MRE11: variants seen among roughly 807,000 people sequenced by gnomAD.
MRE11 encodes MRE11 double strand break repair nuclease.
Under a neutral mutation model 91.7 loss-of-function variants are expected in MRE11, and 62 were observed. The observed-to-expected ratio is 0.68, with a 90% CI of 0.55 to 0.84. The LOEUF is 0.84. Ranked by LOEUF, MRE11 falls within the 40% of genes least tolerant of loss-of-function variation. The pLI is 0.00. For missense variants in MRE11, 796 were observed against 852.9 expected, an observed-to-expected ratio of 0.93 and a Z score of 0.83; for synonymous variants, 273 against 271.4, an observed-to-expected ratio of 1.01 and a Z score of -0.06.
In MRE11 at chr11:94,492,870, T is replaced by G; in HGVS notation, c.-69A>C. On this transcript the variant is annotated 5_prime_UTR_variant, in exon 2 of 20. Coordinates refer to ENST00000323929, the MANE Select transcript of MRE11 (RefSeq NM_005591.4). ...AGAACCCCTGGGTACTGTACTCAAA[T>G]GTCAGAAAATGCACTCGATTCCAAA... is the stretch of plus-strand genomic sequence containing the variant. 1 of 1,387,894 alleles carries G rather than the reference T, an allele frequency of 7.2e-7. No homozygotes were observed. Among genetic ancestry groups the G allele is most frequent in the Non-Finnish European group, 1.0e-6 (1 of 988,880 alleles). 86.0% of individuals were successfully genotyped at this position (1,387,894 alleles called of 1,614,324 possible).
At chr11:94,447,473 G>T in intron 14 of MRE11, 35 bp from the exon 15 acceptor site, 1 of 1,579,444 alleles carries the variant, frequency 6.3e-7, no homozygotes, top group South Asian at 1.1e-5. Flanking sequence ...TACACACAAT[G>T]AGATAACGTA....
rs1233323342 is a variant in MRE11 at position 94,418,369 on chromosome 11, C to G, written c.*1756G>C. ...GAATCGCATTTAGTACCTCTTTTCA[C>G]AGCCAAGAGCAATTTTTTTTTTTTT... On this transcript the variant is annotated 3_prime_UTR_variant, in exon 20 of 20. Transcript: ENST00000323929. 1 of 232,190 alleles carries G rather than the reference C, an allele frequency of 4.3e-6. No individual in the cohort carries two copies. Among genetic ancestry groups the G allele is most frequent in the Admixed American group, 5.7e-5 (1 of 17,694 alleles). The allele number at this position is 232,190 out of a possible 1,614,324, so 14.4% of individuals were successfully genotyped here.
intron 19 of MRE11, among the ~76,000 whole-genome samples, chr11:94,426,144 A>C (rs1472015218): frequency 1.3e-5 from 2 of 152,208 alleles, no homozygotes; most frequent in Non-Finnish European, 2.9e-5. Context: ...ACTACAGTGC[A>C]ATAAAAAGAG....
chr11:94,427,089 C>G (rs1030363641), intron 19 of MRE11, among the ~76,000 whole-genome samples: 1 of 152,228 alleles, frequency 6.6e-6, no homozygotes. Context: ...AGAGACACAA[C>G]AAAACAAAGA....
intron 2 of MRE11, 43 bp from the exon 3 acceptor site, chr11:94,491,008 A>T: frequency 9.0e-7 from 1 of 1,116,204 alleles, no homozygotes. Context: ...TTAATAATTC[A>T]TTAAAGGATA....
intron 7 of MRE11, chr11:94,475,482 C>T: frequency 2.4e-6 from 1 of 408,436 alleles, no homozygotes; most frequent in Admixed American, 2.9e-5. Flanking sequence ...TTGAGTTCTT[C>T]CCTGACAACT....
chr11:94,492,677 G>T, intron 2 of MRE11, 105 bp downstream of exon 2: 2 of 1,485,942 alleles, frequency 1.3e-6, no homozygotes, highest in Non-Finnish European at 1.9e-6. Context: ...TCATAAACAG[G>T]TTCCTTATTT....
the MRE11 span, among the ~76,000 whole-genome samples, chr11:94,508,027 T>C: frequency 1.3e-5 from 2 of 152,190 alleles, no homozygotes; most frequent in Non-Finnish European, 2.9e-5. Context: ...TGGAGTGCAC[T>C]GGTGTGATCG....
the MRE11 span, among the ~76,000 whole-genome samples, chr11:94,511,552 G>A: frequency 2.0e-5 from 3 of 152,196 alleles, no homozygotes; most frequent in African/African-American, 4.8e-5. Flanking sequence ...GAGTATGAAA[G>A]AGAGAGAAAT....
rs58831657 is a variant in MRE11 at position 94,420,860 on chromosome 11, G to A, written c.2071-679C>T. Among the ~76,000 whole-genome samples the A allele has an allele frequency of 5.6e-3, 855 of 152,184 alleles. 15 individuals carry two copies. The highest frequency in any genetic ancestry group is 0.052 in the South Asian group (251 of 4,822). ...ATCCTGGCTAGCACGGTGAAACCCC[G>A]TCTCTACTAGAAATACAAAAAATTG... On this transcript the variant is annotated intron_variant, in intron 19 of 19. Coordinates refer to ENST00000323929, the MANE Select transcript of MRE11 (RefSeq NM_005591.4).
Position 94,419,465 on chromosome 11 carries a change from GGAGAGAGAGAGA to G in MRE11, c.*648_*659del, listed in dbSNP as rs201800515. ...GAAGAGTGGGGAACGGGGGGGAGAG[GGAGAGAGAGAGA>G]GAGAGAGAGAGAGAGAGAACACCAT... On this transcript the variant is annotated 3_prime_UTR_variant, in exon 20 of 20. Coordinates refer to ENST00000323929, the MANE Select transcript of MRE11 (RefSeq NM_005591.4). The G allele has an allele frequency of 9.1e-4, 196 of 216,432 alleles. No individual in the cohort carries two copies. The East Asian group carries it at 0.01, about 11-fold the overall frequency. The allele number at this position is 216,432 out of a possible 1,614,324, so 13.4% of individuals were successfully genotyped here. A position where few individuals can be genotyped will look rare whatever the true frequency, so the allele number is the denominator to read the frequency against.
chr11:94,426,338 A>C (rs769166956), intron 19 of MRE11, among the ~76,000 whole-genome samples: 1 of 151,586 alleles, frequency 6.6e-6, no homozygotes, highest in Non-Finnish European at 1.5e-5. Flanking sequence ...AAATAGAATC[A>C]CAACTTACAA....
At chr11:94,432,693 C>T (rs1448035300) in intron 18 of MRE11, among the ~76,000 whole-genome samples, 1 of 152,186 alleles carries the variant, frequency 6.6e-6, no homozygotes, top group African/African-American at 2.4e-5. Context: ...GTAGTCCCAG[C>T]TATTCGGGAG....
intron 18 of MRE11, 57 bp from the exon 19 acceptor site, chr11:94,430,043 G>A: frequency 6.4e-7 from 1 of 1,558,958 alleles, no homozygotes; most frequent in East Asian, 2.2e-5. Context: ...CATCAAGTGT[G>A]CCTTTCTGGC....
intron 13 of MRE11, among the ~76,000 whole-genome samples, chr11:94,458,197 T>A (rs1220581057): frequency 2.0e-5 from 3 of 151,870 alleles, no homozygotes; most frequent in African/African-American, 7.3e-5. Flanking sequence ...TTTTTTTTTT[T>A]TAAATAACAT....
At chr11:94,466,646 CTCAGGAAGTCT>C in intron 10 of MRE11, 1 of 361,832 alleles carries the variant, frequency 2.8e-6, no homozygotes. Context: ...CAGAATGAAG[CTCAGGAAGTCT>C]GGCTCTACAC....
the MRE11 span, among the ~76,000 whole-genome samples, chr11:94,507,876 C>G: frequency 6.6e-6 from 1 of 151,922 alleles, no homozygotes; most frequent in Non-Finnish European, 1.5e-5. Context: ...ATTCTGGATC[C>G]TAGTTATTTT....
intron 8 of MRE11, among the ~76,000 whole-genome samples, chr11:94,471,022 T>C (rs1477606826): frequency 6.6e-6 from 1 of 151,924 alleles, no homozygotes; most frequent in Non-Finnish European, 1.5e-5. Context: ...AGTGGACTCA[T>C]GAAGAAAAAA....
At position 94,478,899 on chromosome 11, in the gene MRE11, A is replaced by G. The variant is rs1188257818; in HGVS notation, c.403-23T>C. 4 of 1,612,228 alleles carry G rather than the reference A, an allele frequency of 2.5e-6. No individual in the cohort carries two copies. The Admixed American group carries it at 6.7e-5, about 27-fold the overall frequency. On this transcript the variant is annotated intron_variant, in intron 5 of 19. Transcript: ENST00000323929. ...TGCCTATGCAAAATAATTTCAAAGA[A>G]TGTTAGTGTGTATGTAAAAGTAGGT...
Sources: allele counts gnomAD v4.1 joint callset (sites outside exome capture counted in the v4.1 genomes callset), GRCh38; gene constraint gnomAD v4.1.1; transcripts MANE v1.5; gene names NCBI Gene and HGNC (gene_info 2026-07-23, HGNC 2026-07-21).